Variants in COL4A5 observed in about 807,000 individuals in gnomAD.
The protein encoded by COL4A5 is collagen type IV alpha 5 chain.
In COL4A5, 26 loss-of-function variants were observed where a neutral mutation model predicts 130.2. The observed-to-expected ratio is 0.20, with a 90% CI of 0.15 to 0.28. The LOEUF (loss-of-function observed/expected upper bound fraction) is 0.28, where lower values mean the gene tolerates loss of function less well. Among genes scored for constraint, COL4A5 ranks in the 10% least tolerant of loss-of-function variants. The probability of loss-of-function intolerance (pLI) is 1.00; values close to 1 mark genes in which losing one functional copy is unlikely to be tolerated. For missense variants in COL4A5, 1,131 were observed against 1,344.3 expected (o/e 0.84, Z 2.48); for synonymous variants, 496 against 439.6 (o/e 1.13, Z -1.60).
At chrX:108,506,131 C>T (rs996614060) in intron 1 of COL4A5, among the ~76,000 whole-genome samples, 1 of 111,612 alleles carries the variant, frequency 9.0e-6, no homozygotes, top group African/African-American at 3.3e-5. Flanking sequence ...AGACTCTAGT[C>T]TTTAAAAGCT....
At chrX:108,658,304 A>G (rs1485734596) in intron 37 of COL4A5, among the ~76,000 whole-genome samples, 1 of 111,402 alleles carries the variant, frequency 9.0e-6, no homozygotes, top group Non-Finnish European at 1.9e-5. Context: ...ATAAACTCCA[A>G]GATGGTCATA....
intron 36 of COL4A5, among the ~76,000 whole-genome samples, chrX:108,629,845 C>T (rs1182149627): frequency 7.3e-5 from 8 of 108,893 alleles, no homozygotes; most frequent in African/African-American, 2.7e-4. Context: ...TGTGTGATGT[C>T]CCCCGCCCTG....
chrX:108,664,708 A>G (rs2068039163), intron 37 of COL4A5, among the ~76,000 whole-genome samples: 1 of 112,558 alleles, frequency 8.9e-6, no homozygotes, highest in South Asian at 3.6e-4. Flanking sequence ...CAATAACTCA[A>G]TAATAACAAG....
At chrX:108,547,834 G>C (rs749334971) in intron 2 of COL4A5, among the ~76,000 whole-genome samples, 327 of 111,827 alleles carry the variant, frequency 2.9e-3, no homozygotes, top group African/African-American at 0.01. Context: ...CAGCCTTGCT[G>C]CCACCTTGCA....
intron 42 of COL4A5, 171 bp from the exon 43 acceptor site, chrX:108,674,574 G>C: frequency 4.0e-6 from 2 of 500,063 alleles, no homozygotes; most frequent in Non-Finnish European, 6.6e-6. Context: ...GTATGGTTCT[G>C]TTTGCATACT....
chrX:108,674,860 T>C (rs1399531324), intron 43 of COL4A5, 107 bp downstream of exon 43: 2 of 761,978 alleles, frequency 2.6e-6, no homozygotes, highest in Non-Finnish European at 3.7e-6. Context: ...CATTGGAGAG[T>C]GCTGTTATCC....
chrX:108,665,224 T>C (rs1382300198), intron 37 of COL4A5, among the ~76,000 whole-genome samples: 1 of 112,138 alleles, frequency 8.9e-6, no homozygotes, highest in Admixed American at 9.5e-5. Context: ...GAATGGATTT[T>C]TTAAGTTATG....
intron 1 of COL4A5, among the ~76,000 whole-genome samples, chrX:108,447,220 C>G (rs767640403): frequency 9.0e-6 from 1 of 111,683 alleles, no homozygotes; most frequent in Non-Finnish European, 1.9e-5. Context: ...TAGCTTTCAT[C>G]TCTCCCTTAG....
chrX:108,505,033 A>G (rs776872621), intron 1 of COL4A5, among the ~76,000 whole-genome samples: 2 of 112,223 alleles, frequency 1.8e-5, no homozygotes, highest in South Asian at 3.7e-4. Flanking sequence ...TATATGCATC[A>G]TGGAATGCTA....
intron 36 of COL4A5, 160 bp downstream of exon 36, chrX:108,626,509 A>G: frequency 2.6e-6 from 3 of 1,155,744 alleles, no homozygotes; most frequent in Non-Finnish European, 2.3e-6. Flanking sequence ...TGATAAGAAG[A>G]TATGTTTTAG....
Position 108,677,547 on chromosome X carries a change from A to C in COL4A5, c.3856A>C (p.Ile1286Leu), listed in dbSNP as rs1429140985. 5.8e-6 allele frequency: 7 copies of C among 1,209,334 alleles called. No individual in the cohort carries two copies. Among genetic ancestry groups the C allele is most frequent in the Non-Finnish European group, 7.8e-6 (7 of 893,341 alleles). The change falls in exon 44 of 53, where the codon ATT becomes CTT. Residue 1286 changes from isoleucine (I) to leucine (L), a missense_variant. Coordinates refer to ENST00000328300, the MANE Select transcript of COL4A5 (RefSeq NM_033380.3). Reference sequence around the variant, plus strand: ...TCCAGGTCTCCCTGGAAATGGAGGTATTAAAGGAGAGAAGGGAAATCCAGG... The same window carrying C: ...TCCAGGTCTCCCTGGAAATGGAGGTCTTAAAGGAGAGAAGGGAAATCCAGG... The part of the protein sequence containing the change: ...GPPGLPGNGG[I>L]KGEKGNPGQP...
At chrX:108,447,044 A>G (rs770763863) in intron 1 of COL4A5, among the ~76,000 whole-genome samples, 1 of 111,003 alleles carries the variant, frequency 9.0e-6, no homozygotes, top group Non-Finnish European at 1.9e-5. Context: ...GGTATAACAT[A>G]CTCAAATTCA....
chrX:108,446,573 T>A (rs1274226432), intron 1 of COL4A5, among the ~76,000 whole-genome samples: 1 of 111,949 alleles, frequency 8.9e-6, no homozygotes, highest in Non-Finnish European at 1.9e-5. Context: ...GTTACTATGT[T>A]ATATCCTGTT....
At chrX:108,609,969 T>TAA (rs78482851) in intron 29 of COL4A5, among the ~76,000 whole-genome samples, 6 of 98,731 alleles carry the variant, frequency 6.1e-5, no homozygotes, top group East Asian at 3.1e-4. Context: ...ACTTTATTCT[T>TAA]AAAAAAAAAA....
At chrX:108,669,999 G>A (rs2068167410) in intron 41 of COL4A5, 5 of 369,743 alleles carry the variant, frequency 1.4e-5, no homozygotes, top group Non-Finnish European at 2.3e-5. Context: ...TTAAAAATAC[G>A]CCACAGTGTG....
chrX:108,665,515 G>T lies in COL4A5; in HGVS notation c.3382G>T (p.Gly1128Cys). The T allele has an allele frequency of 8.3e-7, 1 of 1,206,040 alleles. No homozygotes were observed. The highest frequency in any genetic ancestry group is 1.1e-6 in the Non-Finnish European group (1 of 890,877). ...PGLPGFPGTP[G>C]PPGPKGISGP... is the part of the protein sequence containing the mutation. ...TGAGCTCTTTACTCTAGGAACCCCAGGCCCTCCTGGACCAAAAGGTATTAG... is the reference window on the plus strand; with the variant it reads ...TGAGCTCTTTACTCTAGGAACCCCATGCCCTCCTGGACCAAAAGGTATTAG... The change falls in exon 38 of 53, where the codon GGC becomes TGC. Residue 1128 changes from glycine (G) to cysteine (C), a missense_variant. Transcript: ENST00000328300.
chrX:108,654,664 C>A (rs371222868), intron 36 of COL4A5, among the ~76,000 whole-genome samples: 32 of 112,411 alleles, frequency 2.8e-4, no homozygotes, highest in African/African-American at 1.0e-3. Flanking sequence ...CCAGGCTGGT[C>A]TTAAACTCCT....
At chrX:108,527,650 C>T (rs1411129302) in intron 1 of COL4A5, among the ~76,000 whole-genome samples, 1 of 111,701 alleles carries the variant, frequency 9.0e-6, no homozygotes, top group Non-Finnish European at 1.9e-5. Flanking sequence ...CTACCCCCAC[C>T]TAACAGAGCT....
At chrX:108,606,603 T>C in intron 28 of COL4A5, 139 bp from the exon 29 acceptor site, 1 of 652,875 alleles carries the variant, frequency 1.5e-6, no homozygotes, top group Non-Finnish European at 2.5e-6. Flanking sequence ...AATTACTTTT[T>C]ATTTAATTAT....
Sources: allele counts gnomAD v4.1 joint callset (sites outside exome capture counted in the v4.1 genomes callset), GRCh38; gene constraint gnomAD v4.1.1; transcripts MANE v1.5; gene names NCBI Gene and HGNC (gene_info 2026-07-23, HGNC 2026-07-21).